LRRC56: variants seen among roughly 807,000 people sequenced by gnomAD.
The protein encoded by LRRC56 is leucine rich repeat containing 56.
Under a neutral mutation model 47.8 loss-of-function variants are expected in LRRC56, and 41 were observed. The observed-to-expected ratio is 0.86, with a 90% CI of 0.67 to 1.11. The LOEUF is 1.11. Among genes scored for constraint, LRRC56 ranks in the 50% most tolerant of loss-of-function variants. LRRC56 has a pLI of 0.00. For missense variants in LRRC56, 759 were observed against 704.2 expected (o/e 1.08, Z -0.88); for synonymous variants, 387 against 311.2 (o/e 1.24, Z -2.56).
At chr11:536,221 C>T (rs1376432445), upstream of LRRC56, among the ~76,000 whole-genome samples, 1 of 152,232 alleles carries the variant, frequency 6.6e-6, no homozygotes, top group Non-Finnish European at 1.5e-5. Flanking sequence ...AGAACGCCCC[C>T]TCCACCACTC....
intron 5 of LRRC56, among the ~76,000 whole-genome samples, chr11:542,527 G>C (rs1340910841): frequency 6.9e-6 from 1 of 144,128 alleles, no homozygotes; most frequent in East Asian, 2.1e-4. Context: ...GCTGCAGTGA[G>C]CTGAGATTGC....
upstream of LRRC56, chr11:533,707 C>T (rs2133989069): frequency 2.5e-6 from 4 of 1,610,748 alleles, no homozygotes; most frequent in Admixed American, 5.0e-5. Context: ...TGCCTGGACG[C>T]AGCCGGCCTG....
chr11:510,008 G>A, the LRRC56 span, among the ~76,000 whole-genome samples: 3 of 151,890 alleles, frequency 2.0e-5, no homozygotes, highest in African/African-American at 4.8e-5. Context: ...GGTCCTGGCC[G>A]ACTCGAGTGT....
At chr11:514,237 G>A in the LRRC56 span, among the ~76,000 whole-genome samples, 13 of 148,264 alleles carry the variant, frequency 8.8e-5, no homozygotes, top group Admixed American at 2.0e-4. Context: ...CAGGTGATCC[G>A]CCCACCTTGG....
upstream of LRRC56, chr11:533,774 G>A (rs375893752): frequency 1.7e-5 from 28 of 1,613,328 alleles, no homozygotes; most frequent in Non-Finnish European, 2.2e-5. Context: ...ACCTGTACTG[G>A]TGGATGTCCT....
intron 9 of LRRC56, 107 bp from the exon 10 acceptor site, chr11:551,544 G>T (rs1852389963): frequency 8.1e-7 from 1 of 1,233,578 alleles, no homozygotes. Context: ...TGAGAGGCCA[G>T]CCTCAGGCCA....
chr11:522,167 A>C, the LRRC56 span, among the ~76,000 whole-genome samples: 1 of 151,948 alleles, frequency 6.6e-6, no homozygotes, highest in South Asian at 2.1e-4. Context: ...TGCAGTCTCA[A>C]CCGCCTGGGT....
intron 5 of LRRC56, among the ~76,000 whole-genome samples, chr11:543,874 G>C (rs1282695910): frequency 6.6e-6 from 1 of 152,056 alleles, no homozygotes; most frequent in African/African-American, 2.4e-5. Flanking sequence ...TCAGCCTCCC[G>C]TGTAGCTGGG....
the LRRC56 span, chr11:506,996 C>T: frequency 5.3e-5 from 8 of 152,290 alleles, no homozygotes; most frequent in African/African-American, 1.9e-4. Flanking sequence ...GGGAGCGCGC[C>T]ACTCGCCCGC....
At chr11:545,831 G>A (rs1852047116) in intron 6 of LRRC56, among the ~76,000 whole-genome samples, 1 of 152,202 alleles carries the variant, frequency 6.6e-6, no homozygotes, top group African/African-American at 2.4e-5. Flanking sequence ...ATTCCAGGCA[G>A]AATTCTAGAA....
the LRRC56 span, chr11:507,336 C>A: frequency 8.9e-6 from 1 of 111,732 alleles, no homozygotes; most frequent in South Asian, 3.0e-4. Context: ...GTCTCGGGGT[C>A]GGGGCGGGGC....
Position 554,356 on chromosome 11 carries a change from G to C in LRRC56, c.*80G>C. The C allele has an allele frequency of 2.3e-6, 3 of 1,287,772 alleles. No homozygotes were observed. Among genetic ancestry groups the C allele is most frequent in the Non-Finnish European group, 3.0e-6 (3 of 983,962 alleles). The allele number at this position is 1,287,772 out of a possible 1,614,324, so 79.8% of individuals were successfully genotyped here. A position where few individuals can be genotyped will look rare whatever the true frequency, so the allele number is the denominator to read the frequency against. ...GTGGTCACAGAGCACAGAATACCTG[G>C]GCGGGTGTGTTGGGGGGTGGAAGGA... On this transcript the variant is annotated 3_prime_UTR_variant, in exon 14 of 14. Transcript: ENST00000270115.
chr11:518,029 C>T, the LRRC56 span, among the ~76,000 whole-genome samples: 18 of 152,154 alleles, frequency 1.2e-4, no homozygotes, highest in East Asian at 3.8e-4. Context: ...ACAAACACTG[C>T]GGAAGGCCGC....
At chr11:534,292 C>G (rs727504496), upstream of LRRC56, 1 of 1,613,240 alleles carries the variant, frequency 6.2e-7, no homozygotes, top group South Asian at 1.1e-5. Context: ...ACACCGCCGG[C>G]GCCCACCACC....
chr11:551,101 C>A, intron 8 of LRRC56, 30 bp from the exon 9 acceptor site: 1 of 1,235,416 alleles, frequency 8.1e-7, no homozygotes, highest in Non-Finnish European at 1.1e-6. Flanking sequence ...CCCAGACCTG[C>A]CCTCCCTCCC....
At chr11:507,362 C>G in the LRRC56 span, 3 of 150,134 alleles carry the variant, frequency 2.0e-5, no homozygotes, top group African/African-American at 7.4e-5. Flanking sequence ...GGGCGGGGCT[C>G]GGCTAAGCAC....
chr11:545,185 C>T (rs1017855075), intron 6 of LRRC56, among the ~76,000 whole-genome samples: 2 of 152,204 alleles, frequency 1.3e-5, no homozygotes, highest in Admixed American at 6.5e-5. Flanking sequence ...GCAGGTAGCA[C>T]CTCACTCAGA....
the LRRC56 span, among the ~76,000 whole-genome samples, chr11:508,950 C>T: frequency 6.6e-6 from 1 of 152,174 alleles, no homozygotes. Flanking sequence ...GAGGCTGAGG[C>T]AGGAGAACCA....
intron 5 of LRRC56, among the ~76,000 whole-genome samples, chr11:542,901 CT>C (rs34047347): frequency 5.5e-4 from 80 of 146,388 alleles, no homozygotes; most frequent in Admixed American, 6.1e-4. Flanking sequence ...CCAACAGTGA[CT>C]TTTTTTTTTT....
Sources: allele counts gnomAD v4.1 joint callset (sites outside exome capture counted in the v4.1 genomes callset), GRCh38; gene constraint gnomAD v4.1.1; transcripts MANE v1.5; gene names NCBI Gene and HGNC (gene_info 2026-07-23, HGNC 2026-07-21).